Variants in ZDHHC21 observed in about 807,000 individuals in gnomAD.
The protein encoded by ZDHHC21 is zDHHC palmitoyltransferase 21, also known as palmitoyltransferase ZDHHC21.
In ZDHHC21, 15 loss-of-function variants were observed where a neutral mutation model predicts 34.6. The ratio of observed to expected loss-of-function variants is 0.43; its 90% CI spans 0.29 to 0.67. The LOEUF (loss-of-function observed/expected upper bound fraction) is 0.67, where lower values mean the gene tolerates loss of function less well. Ranked by LOEUF, ZDHHC21 falls within the 30% of genes least tolerant of loss-of-function variation. ZDHHC21 has a pLI of 0.14. For synonymous variants in ZDHHC21, 142 were observed against 101.8 expected (o/e 1.40, Z -2.38); for missense variants, 344 against 327.7 (o/e 1.05, Z -0.38).
At chr9:14,630,552 T>C (rs1827157782) in intron 8 of ZDHHC21, among the ~76,000 whole-genome samples, 2 of 152,230 alleles carry the variant, frequency 1.3e-5, no homozygotes, top group African/African-American at 4.8e-5. Flanking sequence ...ATGTTCTTAA[T>C]GGCATCTAAA....
chr9:14,612,866 A>C lies in ZDHHC21; in HGVS notation c.*6100T>G, dbSNP rs1208826626. 2 of 88,054 alleles carry C rather than the reference A, an allele frequency of 2.3e-5. No individual in the cohort carries two copies. The highest frequency in any genetic ancestry group is 1.4e-4 in the African/African-American group (2 of 14,468). 5.5% of individuals were successfully genotyped at this position (88,054 alleles called of 1,614,324 possible). A position where few individuals can be genotyped will look rare whatever the true frequency, so the allele number is the denominator to read the frequency against. On this transcript the variant is annotated 3_prime_UTR_variant, in exon 10 of 10. Transcript: ENST00000380916. ...ATTACACACACACACACACACACAC[A>C]CACACACACACACACGCTGAACTCG...
At position 14,615,361 on chromosome 9, in the gene ZDHHC21, G is replaced by T. The variant is rs1343001602; in HGVS notation, c.*3605C>A. On this transcript the variant is annotated 3_prime_UTR_variant, in exon 10 of 10. Coordinates refer to ENST00000380916, the MANE Select transcript of ZDHHC21 (RefSeq NM_178566.6). The stretch of plus-strand genomic sequence containing the variant: ...TATGCATTGGCAAAAACGCACTGAT[G>T]TTAATCCTGGCAGATGTTTTAACTC... The T allele has an allele frequency of 6.6e-6, 1 of 151,594 alleles. No homozygotes were observed. Among genetic ancestry groups the T allele is most frequent in the African/African-American group, 2.4e-5 (1 of 41,356 alleles). The allele number at this position is 151,594 out of a possible 1,614,324, so 9.4% of individuals were successfully genotyped here.
chr9:14,632,234 A>G (rs1037525564), intron 8 of ZDHHC21, among the ~76,000 whole-genome samples: 2 of 152,232 alleles, frequency 1.3e-5, no homozygotes, highest in African/African-American at 4.8e-5. Context: ...TGGTCCTGGC[A>G]TAAAGATATC....
intron 2 of ZDHHC21, among the ~76,000 whole-genome samples, chr9:14,681,739 G>GTGTGTGTC (rs955475186): frequency 1.3e-5 from 2 of 151,098 alleles, no homozygotes; most frequent in African/African-American, 4.9e-5. Context: ...TGGTGTGTGT[G>GTGTGTGTC]TGTGTGTGTG....
intron 5 of ZDHHC21, among the ~76,000 whole-genome samples, chr9:14,662,792 C>A (rs555999226): frequency 6.6e-6 from 1 of 152,150 alleles, no homozygotes; most frequent in Admixed American, 6.5e-5. Context: ...TAAACTCATC[C>A]GAAAAACAGA....
chr9:14,629,445 C>T (rs1421357857), intron 8 of ZDHHC21, among the ~76,000 whole-genome samples: 1 of 152,064 alleles, frequency 6.6e-6, no homozygotes. Flanking sequence ...AGAAATACCT[C>T]GAAGATATTG....
intron 3 of ZDHHC21, among the ~76,000 whole-genome samples, chr9:14,679,437 T>C (rs1329171003): frequency 6.6e-6 from 1 of 152,208 alleles, no homozygotes; most frequent in Non-Finnish European, 1.5e-5. Flanking sequence ...TATAACATTT[T>C]TGTTAGAAAA....
At chr9:14,604,479 T>C in the ZDHHC21 span, among the ~76,000 whole-genome samples, 1 of 152,154 alleles carries the variant, frequency 6.6e-6, no homozygotes, top group African/African-American at 2.4e-5. Flanking sequence ...AAAACATTCA[T>C]GAAAATAATT....
chr9:14,643,899 C>T (rs146855509), intron 7 of ZDHHC21, among the ~76,000 whole-genome samples: 328 of 152,286 alleles, frequency 2.2e-3, no homozygotes, highest in South Asian at 7.0e-3. Context: ...TTAGTTATTA[C>T]GGCTTTGTAA....
At chr9:14,645,297 GAC>G (rs1226644927) in intron 7 of ZDHHC21, among the ~76,000 whole-genome samples, 1 of 151,856 alleles carries the variant, frequency 6.6e-6, no homozygotes, top group Non-Finnish European at 1.5e-5. Flanking sequence ...AACAGAAACA[GAC>G]ACACACACAT....
intron 3 of ZDHHC21, among the ~76,000 whole-genome samples, chr9:14,677,925 G>A (rs955375731): frequency 1.3e-5 from 2 of 152,044 alleles, no homozygotes; most frequent in South Asian, 2.1e-4. Context: ...TTTTAGAAAA[G>A]CATAAAGATT....
chr9:14,624,961 C>T (rs1397529567), intron 8 of ZDHHC21, among the ~76,000 whole-genome samples: 2 of 152,052 alleles, frequency 1.3e-5, no homozygotes, highest in African/African-American at 4.8e-5. Flanking sequence ...ATTAAAAACA[C>T]TACTCAGGCA....
At chr9:14,611,054 G>A (rs978928560), downstream of ZDHHC21, 2 of 151,938 alleles carry the variant, frequency 1.3e-5, no homozygotes, top group African/African-American at 4.8e-5. Flanking sequence ...AGAAAGGTAA[G>A]AGGATAAAAA....
At position 14,660,482 on chromosome 9, in the gene ZDHHC21, T is replaced by C. The variant is rs779295165; in HGVS notation, c.366-1595A>G. ...AAAAATGTCTTAGGCAGTTAAGTAG[T>C]GCAATTTCTGAAAACATCAAAAATT... is the stretch of plus-strand genomic sequence containing the variant. On this transcript the variant is annotated intron_variant, in intron 6 of 9. Transcript: ENST00000380916. Among the ~76,000 whole-genome samples the C allele has an allele frequency of 3.3e-5, 5 of 151,776 alleles. 1 individual carries two copies. Among genetic ancestry groups the C allele is most frequent in the Non-Finnish European group, 5.9e-5 (4 of 67,988 alleles).
At chr9:14,591,096 A>G in the ZDHHC21 span, among the ~76,000 whole-genome samples, 1 of 152,178 alleles carries the variant, frequency 6.6e-6, no homozygotes, top group African/African-American at 2.4e-5. Flanking sequence ...TAAAAATTAA[A>G]AGAGGTATAC....
intron 7 of ZDHHC21, among the ~76,000 whole-genome samples, chr9:14,650,823 C>A (rs886789594): frequency 1.3e-5 from 2 of 151,908 alleles, no homozygotes; most frequent in African/African-American, 2.4e-5. Context: ...TTATTTTCCT[C>A]TTCTGAATTT....
At chr9:14,659,502 T>TA (rs34772771) in intron 6 of ZDHHC21, among the ~76,000 whole-genome samples, 1 of 152,178 alleles carries the variant, frequency 6.6e-6, no homozygotes. Flanking sequence ...AATGTTACAA[T>TA]AAAAAATTTT....
intron 5 of ZDHHC21, among the ~76,000 whole-genome samples, chr9:14,664,496 T>C (rs1216435860): frequency 2.4e-4 from 36 of 151,932 alleles, no homozygotes; most frequent in Admixed American, 8.5e-4. Flanking sequence ...TCGAACTGGC[T>C]GGAGCCCACC....
rs1214955899 is a variant in ZDHHC21, at chr9:14,617,403, G to A, written c.*1563C>T. 6.6e-6 allele frequency: 1 copy of A among 151,858 alleles called. No individual in the cohort carries two copies. Among genetic ancestry groups the A allele is most frequent in the African/African-American group, 2.4e-5 (1 of 41,392 alleles). The allele number at this position is 151,858 out of a possible 1,614,324, so 9.4% of individuals were successfully genotyped here. On this transcript the variant is annotated 3_prime_UTR_variant, in exon 10 of 10. Transcript: ENST00000380916. ...AACTTACTCTATTATTTCAGAATAT[G>A]CTACAAGATATTTACAATTTCTGAA...
Sources: gnomAD v4.1 joint callset for allele counts (sites outside exome capture counted in the v4.1 genomes callset) on GRCh38, gnomAD v4.1.1 for gene constraint, MANE v1.5 for transcripts, NCBI Gene and HGNC (gene_info 2026-07-23, HGNC 2026-07-21) for gene names.